The following ADTRP variants were observed in gnomAD, a reference collection of about 807,000 sequenced individuals.
ADTRP encodes the protein androgen dependent TFPI regulating protein, also known as androgen-dependent TFPI-regulating protein.
Under a neutral mutation model 27.0 loss-of-function variants are expected in ADTRP, and 20 were observed. That is an observed-to-expected ratio of 0.74 (90% CI 0.52 to 1.08). ADTRP has a LOEUF of 1.08. ADTRP is among the 50% of genes least tolerant of loss of function. ADTRP has a pLI of 0.00. For synonymous variants in ADTRP, 101 were observed against 105.2 expected, an observed-to-expected ratio of 0.96 and a Z score of 0.25; for missense variants, 251 against 275.0, an observed-to-expected ratio of 0.91 and a Z score of 0.62.
At chr6:11,771,350 C>A (rs1763774240) in intron 1 of ADTRP, among the ~76,000 whole-genome samples, 1 of 152,168 alleles carries the variant, frequency 6.6e-6, no homozygotes, top group African/African-American at 2.4e-5. Context: ...GGAACCCCCG[C>A]GTGGGGGCTC....
intron 2 of ADTRP, 75 bp from the exon 3 acceptor site, chr6:11,766,450 CA>C: frequency 9.0e-7 from 1 of 1,106,476 alleles, no homozygotes; most frequent in Non-Finnish European, 1.3e-6. Flanking sequence ...ATCAAGGAAA[CA>C]CAGCTAAATA....
intron 3 of ADTRP, among the ~76,000 whole-genome samples, chr6:11,765,193 T>C (rs1763524096): frequency 6.6e-6 from 1 of 152,110 alleles, no homozygotes; most frequent in Non-Finnish European, 1.5e-5. Context: ...CTGAGTTGCT[T>C]TTCTGAGTTG....
intron 1 of ADTRP, among the ~76,000 whole-genome samples, chr6:11,773,017 G>A (rs1052570629): frequency 1.3e-5 from 2 of 152,192 alleles, no homozygotes; most frequent in Non-Finnish European, 2.9e-5. Flanking sequence ...GCAGTAGGGT[G>A]GCTGTGGGAT....
intron 5 of ADTRP, chr6:11,717,348 C>T: frequency 7.7e-7 from 1 of 1,304,268 alleles, no homozygotes; most frequent in African/African-American, 1.5e-5. Flanking sequence ...TGGTGACTTC[C>T]AATCGGGCCA....
intron 2 of ADTRP, chr6:11,767,600 T>C (rs914065123): frequency 1.3e-5 from 2 of 152,206 alleles, no homozygotes; most frequent in Non-Finnish European, 2.9e-5. Context: ...CCATTCTAGC[T>C]AACGAATGGA....
intron 3 of ADTRP, among the ~76,000 whole-genome samples, chr6:11,753,914 C>A (rs956747784): frequency 3.9e-5 from 6 of 152,182 alleles, no homozygotes; most frequent in African/African-American, 1.2e-4. Flanking sequence ...TGTTTCAATG[C>A]CAACATAATT....
At chr6:11,755,048 T>C (rs1763169319) in intron 3 of ADTRP, 8 of 985,440 alleles carry the variant, frequency 8.1e-6, no homozygotes, top group Non-Finnish European at 9.6e-6. Flanking sequence ...CTGGTTATTC[T>C]CCAGCATCAA....
At chr6:11,776,841 T>C (rs1239898249) in intron 1 of ADTRP, among the ~76,000 whole-genome samples, 1 of 152,118 alleles carries the variant, frequency 6.6e-6, no homozygotes, top group Non-Finnish European at 1.5e-5. Context: ...ATTGGGTCCA[T>C]GAGGCAGGAG....
In ADTRP at chr6:11,733,293, A is replaced by G. The variant is rs149517882; in HGVS notation, c.506+2275T>C. 7.8e-3 allele frequency among the ~76,000 whole-genome samples: 1,193 copies of G among 152,342 alleles called. 21 individuals are homozygous for G. The highest frequency in any genetic ancestry group is 0.027 in the African/African-American group (1,123 of 41,574). ...TCTAATCAGCTTTCTTACATAAACC[A>G]CATCATTTCATTCCTCTGATTATAA... On this transcript the variant is annotated intron_variant, in intron 4 of 5. Coordinates refer to ENST00000414691, the MANE Select transcript of ADTRP (RefSeq NM_032744.4).
intron 3 of ADTRP, among the ~76,000 whole-genome samples, chr6:11,745,199 T>C (rs1762829453): frequency 6.6e-6 from 1 of 151,856 alleles, no homozygotes; most frequent in Admixed American, 6.6e-5. Context: ...TCTCTCTCTG[T>C]GGGTGTGTGT....
At chr6:11,769,147 G>A (rs1206503261) in intron 1 of ADTRP, among the ~76,000 whole-genome samples, 2 of 152,140 alleles carry the variant, frequency 1.3e-5, no homozygotes, top group African/African-American at 2.4e-5. Flanking sequence ...ACAGTTCTGT[G>A]GTTTCTCATT....
intron 5 of ADTRP, among the ~76,000 whole-genome samples, chr6:11,715,365 C>A (rs1363214584): frequency 1.3e-5 from 2 of 152,154 alleles, no homozygotes; most frequent in Non-Finnish European, 2.9e-5. Context: ...TGCTGGAACT[C>A]CACTTCTTAG....
chr6:11,769,055 G>C (rs1019833802), intron 1 of ADTRP, among the ~76,000 whole-genome samples: 22 of 152,250 alleles, frequency 1.4e-4, no homozygotes, highest in East Asian at 3.9e-4. Flanking sequence ...GGCCCCCAAA[G>C]CCAGGAGAAA....
intron 3 of ADTRP, among the ~76,000 whole-genome samples, chr6:11,741,201 A>G (rs1762703988): frequency 6.6e-6 from 1 of 152,236 alleles, no homozygotes; most frequent in Non-Finnish European, 1.5e-5. Context: ...CGCAAGTTAT[A>G]TGGCAAGGAG....
rs1762706635 is a variant in ADTRP, at chr6:11,741,258, A to G, written c.391-5575T>C. 2.6e-5 allele frequency among the ~76,000 whole-genome samples: 4 copies of G among 152,262 alleles called. No individual in the cohort carries two copies. In the South Asian group the frequency reaches 8.3e-4, roughly 31 times the overall value. On this transcript the variant is annotated intron_variant, in intron 3 of 5. Transcript: ENST00000414691. ...CTGAAATGCACCAAAAACAAGATGAATAAATGGATGCACAGGTGGAGAGAT... is the reference window on the plus strand; with the variant it reads ...CTGAAATGCACCAAAAACAAGATGAGTAAATGGATGCACAGGTGGAGAGAT...
chr6:11,765,477 G>A (rs1223205362), intron 3 of ADTRP, among the ~76,000 whole-genome samples: 2 of 151,874 alleles, frequency 1.3e-5, no homozygotes, highest in African/African-American at 2.4e-5. Context: ...ACAGGAGCGT[G>A]CCACCACACC....
intron 3 of ADTRP, among the ~76,000 whole-genome samples, chr6:11,759,567 A>C (rs1763334761): frequency 6.6e-6 from 1 of 152,268 alleles, no homozygotes; most frequent in Non-Finnish European, 1.5e-5. Context: ...ATGTAGTGTA[A>C]GACAGCCTTT....
intron 2 of ADTRP, chr6:11,767,819 A>T (rs1763624498): frequency 6.5e-6 from 1 of 154,424 alleles, no homozygotes; most frequent in African/African-American, 2.4e-5. Flanking sequence ...CAAAAAAAAA[A>T]TTATTTGATG....
At chr6:11,717,178 G>C in intron 5 of ADTRP, 3 of 929,824 alleles carry the variant, frequency 3.2e-6, no homozygotes, top group South Asian at 1.8e-5. Context: ...TGATTGAGAA[G>C]CATTTTTCCC....
Sources: allele counts gnomAD v4.1 joint callset (sites outside exome capture counted in the v4.1 genomes callset), GRCh38; gene constraint gnomAD v4.1.1; transcripts MANE v1.5; gene names NCBI Gene and HGNC (gene_info 2026-07-23, HGNC 2026-07-21).